MMP16: variants seen among roughly 807,000 people sequenced by gnomAD.
MMP16 encodes matrix metallopeptidase 16.
MMP16 carries 12 observed loss-of-function variants against 67.8 expected under a neutral mutation model. The ratio of observed to expected loss-of-function variants is 0.18; its 90% CI spans 0.11 to 0.29. The LOEUF is 0.29. Ranked by LOEUF, MMP16 falls within the 10% of genes least tolerant of loss-of-function variation. MMP16 has a pLI of 1.00. For synonymous variants in MMP16, 249 were observed against 255.9 expected (o/e 0.97, Z 0.26); for missense variants, 475 against 765.7 (o/e 0.62, Z 4.48).
chr8:88,163,761 A>C (rs1231670105), intron 4 of MMP16, among the ~76,000 whole-genome samples: 1 of 152,016 alleles, frequency 6.6e-6, no homozygotes, highest in African/African-American at 2.4e-5. Context: ...CTGGACTTAA[A>C]TTTTCCAAGT....
chr8:88,096,848 G>T (rs1047029027), intron 6 of MMP16, among the ~76,000 whole-genome samples: 1 of 151,888 alleles, frequency 6.6e-6, no homozygotes, highest in Non-Finnish European at 1.5e-5. Flanking sequence ...TTGGAAACGC[G>T]AGAAAACACC....
chr8:88,165,169 C>A (rs545690552), intron 4 of MMP16, among the ~76,000 whole-genome samples: 64 of 117,240 alleles, frequency 5.5e-4, no homozygotes, highest in African/African-American at 2.2e-3. Flanking sequence ...ATAGCGAGAA[C>A]CCCATCTCTA....
intron 3 of MMP16, among the ~76,000 whole-genome samples, chr8:88,185,281 A>G: frequency 6.6e-6 from 1 of 152,026 alleles, no homozygotes; most frequent in East Asian, 1.9e-4. Flanking sequence ...TAACACGGGG[A>G]AATCCTGTGT....
chr8:88,121,059 C>T (rs1299178505), intron 4 of MMP16, among the ~76,000 whole-genome samples: 2 of 148,678 alleles, frequency 1.3e-5, no homozygotes, highest in African/African-American at 2.5e-5. Flanking sequence ...AGAAAATAGT[C>T]TCTTGCTCTC....
intron 1 of MMP16, among the ~76,000 whole-genome samples, chr8:88,262,998 C>T (rs940016365): frequency 1.3e-5 from 2 of 151,160 alleles, no homozygotes; most frequent in African/African-American, 4.9e-5. Context: ...GCACTCCAGC[C>T]TGGCGACAGA....
intron 1 of MMP16, among the ~76,000 whole-genome samples, chr8:88,208,041 C>T (rs1307398838): frequency 2.6e-5 from 4 of 152,128 alleles, no homozygotes; most frequent in Admixed American, 6.5e-5. Flanking sequence ...CGGCTGATAA[C>T]GAAGCAGGAG....
intron 4 of MMP16, among the ~76,000 whole-genome samples, chr8:88,127,091 A>G (rs1807945494): frequency 6.6e-6 from 1 of 151,860 alleles, no homozygotes; most frequent in African/African-American, 2.4e-5. Context: ...GAATCTAAAT[A>G]TCAGTTCTGA....
At chr8:88,316,010 C>T (rs944632364) in intron 1 of MMP16, among the ~76,000 whole-genome samples, 1 of 152,190 alleles carries the variant, frequency 6.6e-6, no homozygotes, top group African/African-American at 2.4e-5. Flanking sequence ...CCAGCCACAA[C>T]GTTCCCTTAA....
rs77461112 is a variant in MMP16 at position 88,237,681 on chromosome 8, C to CAAAAA, written c.133-40380_133-40376dup. On this transcript the variant is annotated intron_variant, in intron 1 of 9. Coordinates refer to ENST00000286614, the MANE Select transcript of MMP16 (RefSeq NM_005941.5). ...AGAACAACAACAACAACAACAACAA[C>CAAAAA]AAAAAACAACTGCATCTTGGGTATG... Among the ~76,000 whole-genome samples, 26 of 151,282 alleles carry CAAAAA rather than the reference C, an allele frequency of 1.7e-4. No individual in the cohort carries two copies. In the South Asian group the frequency reaches 1.9e-3, roughly 11 times the overall value.
chr8:88,110,358 T>C (rs1483228339), intron 6 of MMP16, among the ~76,000 whole-genome samples: 2 of 151,604 alleles, frequency 1.3e-5, no homozygotes, highest in Non-Finnish European at 3.0e-5. Context: ...TAAATTAATG[T>C]GGACATTAAA....
At chr8:88,254,623 A>G (rs575211238) in intron 1 of MMP16, among the ~76,000 whole-genome samples, 24 of 152,296 alleles carry the variant, frequency 1.6e-4, no homozygotes, top group African/African-American at 5.8e-4. Flanking sequence ...ACAAATATAA[A>G]ATAGATCAAC....
chr8:88,048,700 C>T (rs560082253), intron 8 of MMP16, among the ~76,000 whole-genome samples: 28 of 152,248 alleles, frequency 1.8e-4, no homozygotes, highest in African/African-American at 5.3e-4. Flanking sequence ...CCACCAAATA[C>T]GTTTCCCAAT....
At chr8:88,239,294 C>CAAAAAAAA in intron 1 of MMP16, among the ~76,000 whole-genome samples, 7 of 80,498 alleles carry the variant, frequency 8.7e-5, no homozygotes, top group African/African-American at 1.1e-4. Context: ...GACGCAGTCT[C>CAAAAAAAA]AAAAAAAAAA....
At chr8:88,214,267 T>C (rs574508501) in intron 1 of MMP16, among the ~76,000 whole-genome samples, 1 of 152,290 alleles carries the variant, frequency 6.6e-6, no homozygotes, top group South Asian at 2.1e-4. Context: ...TGGCTCCAAA[T>C]GCAGGCAAAA....
intron 1 of MMP16, among the ~76,000 whole-genome samples, chr8:88,277,251 T>C (rs1037554333): frequency 6.6e-6 from 1 of 152,222 alleles, no homozygotes; most frequent in African/African-American, 2.4e-5. Flanking sequence ...GGTAGCCCAA[T>C]TCTAATTACT....
intron 4 of MMP16, among the ~76,000 whole-genome samples, chr8:88,133,854 A>AT (rs1486220248): frequency 1.3e-5 from 2 of 151,796 alleles, no homozygotes; most frequent in African/African-American, 4.8e-5. Context: ...ACTTTTTGTC[A>AT]TTTTGTATCC....
At chr8:88,323,219 A>T (rs1811486899) in intron 1 of MMP16, among the ~76,000 whole-genome samples, 1 of 152,198 alleles carries the variant, frequency 6.6e-6, no homozygotes, top group Admixed American at 6.6e-5. Flanking sequence ...ACAGTGTCCC[A>T]ACATAAGAAT....
intron 6 of MMP16, among the ~76,000 whole-genome samples, chr8:88,088,571 T>G (rs867905389): frequency 5.3e-5 from 8 of 152,058 alleles, no homozygotes; most frequent in South Asian, 2.1e-4. Flanking sequence ...TGACTTTGTT[T>G]TGGAGTTCAG....
chr8:88,122,720 A>G (rs1807859798), intron 4 of MMP16, among the ~76,000 whole-genome samples: 1 of 151,458 alleles, frequency 6.6e-6, no homozygotes, highest in South Asian at 2.1e-4. Context: ...AGCTAAAGAG[A>G]TATGTGGGAG....
Sources: allele counts gnomAD v4.1 joint callset (sites outside exome capture counted in the v4.1 genomes callset), GRCh38; gene constraint gnomAD v4.1.1; transcripts MANE v1.5; gene names NCBI Gene and HGNC (gene_info 2026-07-23, HGNC 2026-07-21).